The following ALDH1A1 variants were observed in gnomAD, a reference collection of about 807,000 sequenced individuals.
The protein encoded by ALDH1A1 is aldehyde dehydrogenase 1A1.
Under a neutral mutation model 62.1 loss-of-function variants are expected in ALDH1A1, and 19 were observed. The ratio of observed to expected loss-of-function variants is 0.31; its 90% CI spans 0.21 to 0.45. The LOEUF (loss-of-function observed/expected upper bound fraction) is 0.45. ALDH1A1 is among the 20% of genes least tolerant of loss of function. ALDH1A1 has a pLI of 1.00. For missense variants in ALDH1A1, 521 were observed against 607.1 expected, an observed-to-expected ratio of 0.86 and a Z score of 1.49; for synonymous variants, 231 against 215.9, an observed-to-expected ratio of 1.07 and a Z score of -0.61.
At position 72,929,040 on chromosome 9, in the gene ALDH1A1, A is replaced by T; in HGVS notation, c.313-19T>A. On this transcript the variant is annotated intron_variant, in intron 3 of 12. Transcript: ENST00000297785. ...CCATTGTCTGAAAAACATGTCAAACACCAAATCTAAAATTCCATAAGTTTT... is the reference window on the plus strand; with the variant it reads ...CCATTGTCTGAAAAACATGTCAAACTCCAAATCTAAAATTCCATAAGTTTT... 1 of 1,572,096 alleles carries T rather than the reference A, an allele frequency of 6.4e-7. No homozygotes were observed. The highest frequency in any genetic ancestry group is 8.6e-7 in the Non-Finnish European group (1 of 1,164,982).
At chr9:72,931,155 T>C (rs1489116026) in intron 2 of ALDH1A1, 136 bp from the exon 3 acceptor site, 2 of 871,622 alleles carry the variant, frequency 2.3e-6, no homozygotes, top group Non-Finnish European at 3.5e-6. Flanking sequence ...GTCTAACACA[T>C]TGCGCACATT....
intron 1 of ALDH1A1, among the ~76,000 whole-genome samples, chr9:72,948,239 GC>G (rs1456589667): frequency 6.6e-6 from 1 of 151,948 alleles, no homozygotes; most frequent in Non-Finnish European, 1.5e-5. Flanking sequence ...CTGCTTCCAA[GC>G]CCAAAGCAAA....
intron 1 of ALDH1A1, among the ~76,000 whole-genome samples, chr9:72,950,006 CAA>C (rs1175205569): frequency 6.6e-6 from 1 of 151,246 alleles, no homozygotes; most frequent in Non-Finnish European, 1.5e-5. Context: ...CATGACTGTA[CAA>C]AAAAGAGTGA....
rs199833382 is a variant in ALDH1A1 at position 72,924,105 on chromosome 9, T to C, written c.661A>G (p.Ile221Val). Residue 221 changes from isoleucine to valine, a missense_variant, in exon 7 of 13, where the codon ATT becomes GTT. Physicochemically the swap from Ile to Val is conservative, Grantham distance 29. Transcript: ENST00000297785. ...EAGFPPGVVN[I>V]VPGYGPTAGA... ...GCTGTAGGCCCATAACCAGGAACAA[T>C]ATTCACTACTCCAGGAGGAAACCCT... The C allele has an allele frequency of 2.5e-6, 4 of 1,612,046 alleles. No individual in the cohort carries two copies. The highest frequency in any genetic ancestry group is 1.1e-5 in the South Asian group (1 of 90,848).
At chr9:72,911,011 AT>A (rs560208213) in intron 10 of ALDH1A1, among the ~76,000 whole-genome samples, 3 of 152,070 alleles carry the variant, frequency 2.0e-5, no homozygotes, top group East Asian at 1.9e-4. Context: ...TTAATTGAAG[AT>A]TTTTTTCCAC....
intron 12 of ALDH1A1, among the ~76,000 whole-genome samples, chr9:72,902,189 C>T (rs1233079170): frequency 6.6e-6 from 1 of 151,948 alleles, no homozygotes; most frequent in Non-Finnish European, 1.5e-5. Context: ...AGACCTCCCA[C>T]CAGTTTTAGA....
At chr9:72,948,203 T>C (rs1312462712) in intron 1 of ALDH1A1, among the ~76,000 whole-genome samples, 2 of 151,964 alleles carry the variant, frequency 1.3e-5, no homozygotes, top group Non-Finnish European at 2.9e-5. Context: ...CACTGCACCT[T>C]GCAGCCAGTC....
intron 3 of ALDH1A1, 135 bp from the exon 4 acceptor site, chr9:72,929,156 CT>C: frequency 1.0e-6 from 1 of 977,294 alleles, no homozygotes; most frequent in African/African-American, 1.6e-5. Context: ...CTAACCTCCA[CT>C]TTTTAAGAGT....
intron 2 of ALDH1A1, among the ~76,000 whole-genome samples, chr9:72,932,104 A>C (rs530466815): frequency 2.2e-4 from 33 of 152,324 alleles, no homozygotes; most frequent in Admixed American, 5.9e-4. Context: ...TGCAAACACC[A>C]TAAAGGAATA....
At chr9:72,906,510 G>T (rs1438385388) in intron 11 of ALDH1A1, among the ~76,000 whole-genome samples, 2 of 151,870 alleles carry the variant, frequency 1.3e-5, no homozygotes, top group East Asian at 3.9e-4. Context: ...CCCATTAATT[G>T]GTTAAATAAA....
At chr9:72,921,198 C>T (rs1024135128) in intron 7 of ALDH1A1, among the ~76,000 whole-genome samples, 4 of 148,874 alleles carry the variant, frequency 2.7e-5, no homozygotes, top group East Asian at 4.0e-4. Context: ...GCCAAGATCA[C>T]GCCACTGCAC....
At chr9:72,939,614 C>G (rs960812111) in intron 2 of ALDH1A1, among the ~76,000 whole-genome samples, 2 of 150,532 alleles carry the variant, frequency 1.3e-5, no homozygotes, top group African/African-American at 4.9e-5. Flanking sequence ...GCCTCACGGG[C>G]TAAAGCAATT....
At position 72,930,903 on chromosome 9, in the gene ALDH1A1, G is replaced by A. The variant is rs376026961; in HGVS notation, c.288C>T (p.Ile96=). 1.2e-6 allele frequency: 2 copies of A among 1,613,926 alleles called. No homozygotes were observed. Among genetic ancestry groups the A allele is most frequent in the Non-Finnish European group, 1.7e-6 (2 of 1,179,912 alleles). ...GRLLYKLADL[I]ERDRLLLATM... is the part of the protein sequence containing the mutation. ...CCGCCAGCAGCAGACGATCTCTTTC[G>A]ATTAAATCAGCCAACTTGTATAATA... Residue 96 remains isoleucine (I), a synonymous_variant, in exon 3 of 13, where the codon ATC becomes ATT. Coordinates refer to ENST00000297785, the MANE Select transcript of ALDH1A1 (RefSeq NM_000689.5).
chr9:72,908,366 C>G (rs935409626), intron 11 of ALDH1A1, among the ~76,000 whole-genome samples: 1 of 124,570 alleles, frequency 8.0e-6, no homozygotes, highest in Non-Finnish European at 1.6e-5. Flanking sequence ...ACCCAGGAGG[C>G]AGAGGTTGCA....
intron 1 of ALDH1A1, among the ~76,000 whole-genome samples, chr9:72,951,891 A>G (rs1830547551): frequency 6.6e-6 from 1 of 152,018 alleles, no homozygotes; most frequent in African/African-American, 2.4e-5. Flanking sequence ...AGAGCCAATC[A>G]GCTGAGCAAC....
At chr9:72,944,933 T>A (rs8187890) in intron 1 of ALDH1A1, among the ~76,000 whole-genome samples, 1 of 152,010 alleles carries the variant, frequency 6.6e-6, no homozygotes, top group Admixed American at 6.6e-5. Flanking sequence ...AAGCAATCAA[T>A]AGAAATGTTG....
intron 1 of ALDH1A1, among the ~76,000 whole-genome samples, chr9:72,946,232 G>T (rs1276012322): frequency 6.6e-6 from 1 of 151,932 alleles, no homozygotes; most frequent in African/African-American, 2.4e-5. Context: ...CCTTCTAAAA[G>T]AATGCCAAAT....
intron 1 of ALDH1A1, among the ~76,000 whole-genome samples, chr9:72,952,176 T>C (rs1304972477): frequency 6.6e-6 from 1 of 152,026 alleles, no homozygotes; most frequent in Non-Finnish European, 1.5e-5. Flanking sequence ...TTCATTTGTT[T>C]GTTTTGGAGT....
chr9:72,938,339 A>G (rs1335501561), intron 2 of ALDH1A1, among the ~76,000 whole-genome samples: 1 of 149,028 alleles, frequency 6.7e-6, no homozygotes, highest in Non-Finnish European at 1.5e-5. Flanking sequence ...AAATCATTTC[A>G]AATTAGACTT....
Sources: gnomAD v4.1 joint callset for allele counts (sites outside exome capture counted in the v4.1 genomes callset) on GRCh38, gnomAD v4.1.1 for gene constraint, MANE v1.5 for transcripts, NCBI Gene and HGNC (gene_info 2026-07-23, HGNC 2026-07-21) for gene names.